SSX5: variants seen among roughly 807,000 people sequenced by gnomAD.
The protein encoded by SSX5 is protein SSX5.
A neutral mutation model predicts 14.9 loss-of-function variants in SSX5; 14 were observed. The ratio of observed to expected loss-of-function variants is 0.94; its 90% CI spans 0.62 to 1.47. The LOEUF (loss-of-function observed/expected upper bound fraction) is 1.47. SSX5 is among the 40% of genes most tolerant of loss of function. The probability of loss-of-function intolerance (pLI) is 0.00; values close to 1 mark genes in which losing one functional copy is unlikely to be tolerated. For missense variants in SSX5, 204 were observed against 154.6 expected (o/e 1.32, Z -1.70); for synonymous variants, 70 against 55.4 (o/e 1.26, Z -1.17).
chrX:48,188,041 A>C (rs2059405734), intron 6 of SSX5, among the ~76,000 whole-genome samples: 1 of 111,958 alleles, frequency 8.9e-6, no homozygotes, highest in Admixed American at 9.5e-5. Flanking sequence ...GCACGTATTT[A>C]TTAAGGCCAC....
In SSX5 at chrX:48,194,180, C is replaced by T. The variant is rs200600341; in HGVS notation, c.229G>A (p.Ala77Thr). 140 of 1,207,716 alleles carry T rather than the reference C, an allele frequency of 1.2e-4. No homozygotes were observed. Among genetic ancestry groups the T allele is most frequent in the African/African-American group, 1.2e-4 (7 of 56,639 alleles). Reference sequence around the variant, plus strand: ...TCAAAATCATTCCCCTGGAAGTCTGCGACCCGTTTATTACGCATGAAAGGT... The same window carrying T: ...TCAAAATCATTCCCCTGGAAGTCTGTGACCCGTTTATTACGCATGAAAGGT... ...LPPFMRNKRV[A>T]DFQGNDFDND... Residue 77 changes from alanine (A) to threonine (T), a missense_variant, in exon 4 of 8, where the codon GCA becomes ACA. Transcript: ENST00000347757.
chrX:48,196,258 A>T (rs1371925250), intron 1 of SSX5, among the ~76,000 whole-genome samples: 1 of 111,330 alleles, frequency 9.0e-6, no homozygotes, highest in Non-Finnish European at 1.9e-5. Context: ...AACAATTTCT[A>T]CTAAAACAAA....
In SSX5 at chrX:48,196,327, A is replaced by G. The variant is rs782568902; in HGVS notation, c.-21+404T>C. ...TGGGATGGTGTGCACCTGTAGTCCC[A>G]AGGCCTAGGCAACAGGATCACTTGA... On this transcript the variant is annotated intron_variant, in intron 1 of 7. Transcript: ENST00000347757. 2.7e-5 allele frequency among the ~76,000 whole-genome samples: 3 copies of G among 109,197 alleles called. No homozygotes were observed. In the East Asian group the frequency reaches 8.6e-4, roughly 31 times the overall value. 94.8% of individuals were successfully genotyped at this position (109,197 alleles called of 115,157 possible).
chrX:48,192,295 C>G lies in SSX5; in HGVS notation c.281-14G>C. ...GAGGATGTTCAACTGAAAGAGAATA[C>G]ATCAGAATTTTTCTTTGTTGGTAAA... On this transcript the variant is annotated splice_polypyrimidine_tract_variant and intron_variant, in intron 4 of 7. Transcript: ENST00000347757. 1 of 1,211,026 alleles carries G rather than the reference C, an allele frequency of 8.3e-7. No homozygotes were observed. Among genetic ancestry groups the G allele is most frequent in the Non-Finnish European group, 1.1e-6 (1 of 895,145 alleles).
intron 6 of SSX5, among the ~76,000 whole-genome samples, chrX:48,189,671 ATG>A (rs2043217193): frequency 8.9e-6 from 1 of 112,473 alleles, no homozygotes; most frequent in African/African-American, 3.2e-5. Flanking sequence ...CAAGAAAAAA[ATG>A]TGTGTGACTC....
intron 6 of SSX5, 94 bp downstream of exon 6, chrX:48,190,039 A>G: frequency 8.9e-7 from 1 of 1,120,737 alleles, no homozygotes. Context: ...GCCTGGACCC[A>G]GGCTTGTCTG....
intron 4 of SSX5, among the ~76,000 whole-genome samples, chrX:48,192,973 C>G (rs1299635687): frequency 8.9e-6 from 1 of 112,147 alleles, no homozygotes; most frequent in East Asian, 2.8e-4. Flanking sequence ...AAGAACCTGT[C>G]TTTTTTTCAC....
In SSX5 at chrX:48,186,659, A is replaced by G; in HGVS notation, c.*202T>C. 1 of 761,593 alleles carries G rather than the reference A, an allele frequency of 1.3e-6. No individual in the cohort carries two copies. Among genetic ancestry groups the G allele is most frequent in the South Asian group, 2.4e-5 (1 of 41,543 alleles). The allele number at this position is 761,593 out of a possible 1,213,427, so 62.8% of individuals were successfully genotyped here. ...ACGCTAATATCTAACAGAATGGCAC[A>G]CTGTAACAAAATACAACAGAAACAC... is the stretch of plus-strand genomic sequence containing the variant. On this transcript the variant is annotated 3_prime_UTR_variant, in exon 8 of 8. Transcript: ENST00000347757.
Position 48,190,231 on chromosome X carries a change from G to A in SSX5, c.368C>T (p.Ser123Leu). ...GCCAGATGCTTCTGGCACTCCCTTC[G>A]AATCATTTCCTTCCTCTGCTGGCTT... Reference protein sequence around the residue: ...PEKPAEEGNDSKGVPEASGPQ... With the variant: ...PEKPAEEGNDLKGVPEASGPQ... The change falls in exon 6 of 8, where the codon TCG becomes TTG. Residue 123 changes from serine (S) to leucine (L), a missense_variant. Coordinates refer to ENST00000347757, the MANE Select transcript of SSX5 (RefSeq NM_175723.2). 8.3e-7 allele frequency: 1 copy of A among 1,205,942 alleles called. No individual in the cohort carries two copies. Among genetic ancestry groups the A allele is most frequent in the Non-Finnish European group, 1.1e-6 (1 of 893,255 alleles).
chrX:48,195,262 C>A, intron 2 of SSX5, 28 bp downstream of exon 2: 1 of 1,208,380 alleles, frequency 8.3e-7, no homozygotes, highest in Non-Finnish European at 1.1e-6. Flanking sequence ...CCCTGGGCCA[C>A]TACTATGCCC....
In SSX5 at chrX:48,190,198, T is replaced by G. The variant is rs377700015; in HGVS notation, c.401A>C (p.Asn134Thr). 70 of 1,208,436 alleles carry G rather than the reference T, an allele frequency of 5.8e-5. No individual in the cohort carries two copies. The highest frequency in any genetic ancestry group is 7.6e-5 in the Non-Finnish European group (68 of 894,556). ...TGAGGGGCGCAGCTGTTTCCCATTG[T>G]TCTGTGGGCCAGATGCTTCTGGCAC... ...KGVPEASGPQ[N>T]NGKQLRPSGK... The change falls in exon 6 of 8, where the codon AAC becomes ACC. Residue 134 changes from asparagine to threonine, a missense_variant. Physicochemically the swap from Asn to Thr is moderately conservative, Grantham distance 65 (BLOSUM62 0). Coordinates refer to ENST00000347757, the MANE Select transcript of SSX5 (RefSeq NM_175723.2).
intron 5 of SSX5, among the ~76,000 whole-genome samples, chrX:48,191,286 G>T (rs1277254623): frequency 8.9e-6 from 1 of 111,734 alleles, no homozygotes; most frequent in Non-Finnish European, 1.9e-5. Context: ...GCCTCTCTGA[G>T]CTTGTAAACA....
In SSX5 at chrX:48,186,406, G is replaced by A. The variant is rs782559946; in HGVS notation, c.*455C>T. ...TGTGTGTGTGTGTGTGTGTGTGTGC[G>A]CGCGCGCGCGCATGTGTGTCTGTGT... is the stretch of plus-strand genomic sequence containing the variant. On this transcript the variant is annotated 3_prime_UTR_variant, in exon 8 of 8. Transcript: ENST00000347757. 5 of 252,276 alleles carry A rather than the reference G, an allele frequency of 2.0e-5. No homozygotes were observed. Among genetic ancestry groups the A allele is most frequent in the East Asian group, 1.1e-4 (1 of 9,331 alleles). 20.8% of individuals were successfully genotyped at this position (252,276 alleles called of 1,213,427 possible).
rs1315296517 is a variant in SSX5, at chrX:48,186,403, T to TGCGC, written c.*454_*457dup. 156 of 140,022 alleles carry TGCGC rather than the reference T, an allele frequency of 1.1e-3. No individual in the cohort carries two copies. The highest frequency in any genetic ancestry group is 1.8e-3 in the South Asian group (16 of 9,087). The allele number at this position is 140,022 out of a possible 1,213,427, so 11.5% of individuals were successfully genotyped here. A position where few individuals can be genotyped will look rare whatever the true frequency, so the allele number is the denominator to read the frequency against. On this transcript the variant is annotated 3_prime_UTR_variant, in exon 8 of 8. Transcript: ENST00000347757. ...GTGTGTGTGTGTGTGTGTGTGTGTG[T>TGCGC]GCGCGCGCGCGCGCATGTGTGTCTG...
rs2059398253 is a variant in SSX5 at position 48,186,550 on chromosome X, A to C, written c.*311T>G. The C allele has an allele frequency of 2.8e-5, 12 of 426,679 alleles. No homozygotes were observed. In the South Asian group the frequency reaches 3.9e-4, roughly 14 times the overall value. 35.2% of individuals were successfully genotyped at this position (426,679 alleles called of 1,213,427 possible). ...GGTAGTGTTGTTCTATGCAGAGAAT[A>C]CCTGACGATACTTGTTTTCTGAGGT... On this transcript the variant is annotated 3_prime_UTR_variant, in exon 8 of 8. Transcript: ENST00000347757.
At position 48,187,727 on chromosome X, in the gene SSX5, G is replaced by A; in HGVS notation, c.471C>T (p.Pro157=). 1 of 1,207,884 alleles carries A rather than the reference G, an allele frequency of 8.3e-7. No individual in the cohort carries two copies. The highest frequency in any genetic ancestry group is 1.8e-5 in the South Asian group (1 of 56,807). The change falls in exon 7 of 8, where the codon CCC becomes CCT. Residue 157 remains proline (P), a synonymous_variant. Transcript: ENST00000347757. Reference sequence around the variant, plus strand: ...GGGTCCAGGCATGTTTCCCCCTTTTGGGTCCTATGATGGAGAAGAGTTGGA... The same window carrying A: ...GGGTCCAGGCATGTTTCCCCCTTTTAGGTCCTATGATGGAGAAGAGTTGGA... ...TSEKVNKTSG[P]KRGKHAWTHR... is the part of the protein sequence containing the mutation.
At chrX:48,195,845 G>C (rs1477134802) in intron 1 of SSX5, among the ~76,000 whole-genome samples, 2 of 111,510 alleles carry the variant, frequency 1.8e-5, no homozygotes, top group Non-Finnish European at 3.8e-5. Context: ...TGGGGGTTCT[G>C]TTCTGTTGAA....
At position 48,186,365 on chromosome X, in the gene SSX5, GGTGTGTGTGTGTGTGT is replaced by G. The variant is rs61004107; in HGVS notation, c.*480_*495del. On this transcript the variant is annotated 3_prime_UTR_variant, in exon 8 of 8. Transcript: ENST00000347757. Reference sequence around the variant, plus strand: ...TTGGGAGATGCCTATACTGGTACTTGGTGTGTGTGTGTGTGTGTGTGTGTGTGTGTGTGTGTGTGCG... The same window carrying G: ...TTGGGAGATGCCTATACTGGTACTTGGTGTGTGTGTGTGTGTGTGTGTGCG... 5 of 137,711 alleles carry G rather than the reference GGTGTGTGTGTGTGTGT, an allele frequency of 3.6e-5. No homozygotes were observed. Among genetic ancestry groups the G allele is most frequent in the Admixed American group, 1.9e-4 (2 of 10,383 alleles). The allele number at this position is 137,711 out of a possible 1,213,427, so 11.3% of individuals were successfully genotyped here.
chrX:48,194,187 T>A lies in SSX5; in HGVS notation c.222A>T (p.Lys74Asn), dbSNP rs781861560. 3.9e-5 allele frequency: 47 copies of A among 1,207,845 alleles called. No homozygotes were observed. The highest frequency in any genetic ancestry group is 4.5e-6 in the Non-Finnish European group (4 of 894,594). The part of the protein sequence containing the change: ...KATLPPFMRN[K>N]RVADFQGNDF... ...CATTCCCCTGGAAGTCTGCGACCCG[T>A]TTATTACGCATGAAAGGTGGGAGGG... The change falls in exon 4 of 8, where the codon AAA becomes AAT. Residue 74 changes from lysine to asparagine, a missense_variant. By Grantham distance (94) the Lys-to-Asn change is moderately conservative. Coordinates refer to ENST00000347757, the MANE Select transcript of SSX5 (RefSeq NM_175723.2).
Sources: allele counts gnomAD v4.1 joint callset (sites outside exome capture counted in the v4.1 genomes callset), GRCh38; gene constraint gnomAD v4.1.1; transcripts MANE v1.5; gene names NCBI Gene and HGNC (gene_info 2026-07-23, HGNC 2026-07-21).